INSL6: variants seen among roughly 807,000 people sequenced by gnomAD.
INSL6 encodes the protein insulin-like peptide INSL6.
INSL6 carries 16 observed loss-of-function variants against 9.4 expected under a neutral mutation model. The ratio of observed to expected loss-of-function variants is 1.70; its 90% CI spans 1.15 to 2.59. The LOEUF (loss-of-function observed/expected upper bound fraction) is 2.59, where lower values mean the gene tolerates loss of function less well. Ranked by LOEUF, INSL6 falls within the 30% of genes most tolerant of loss-of-function variation. The pLI, the probability that INSL6 is intolerant of heterozygous loss-of-function variation, is 0.00. For synonymous variants in INSL6, 154 were observed against 96.9 expected (o/e 1.59, Z -3.46); for missense variants, 391 against 257.3 (o/e 1.52, Z -3.56).
rs2130884448 is a variant in INSL6, at chr9:5,137,777, A to T, written c.377-4185T>A. On this transcript the variant is annotated intron_variant, in intron 2 of 3. Transcript: ENST00000649639. ...CTAAAGAGCTTCTGTACAGCAAAAG[A>T]AACTATCATCAGAGTGAACAGGTTA... 1.3e-5 allele frequency among the ~76,000 whole-genome samples: 2 copies of T among 152,346 alleles called. 1 individual carries two copies. The highest frequency in any genetic ancestry group is 4.1e-4 in the South Asian group (2 of 4,828).
chr9:5,082,839 C>A, the INSL6 span, among the ~76,000 whole-genome samples: 1 of 152,054 alleles, frequency 6.6e-6, no homozygotes, highest in Non-Finnish European at 1.5e-5. Context: ...TGATTCCATA[C>A]AACACATATT....
At chr9:5,067,911 T>TAA in the INSL6 span, among the ~76,000 whole-genome samples, 5 of 152,056 alleles carry the variant, frequency 3.3e-5, no homozygotes, top group African/African-American at 9.7e-5. Flanking sequence ...ACCAGCACTT[T>TAA]AGGAGGCCAA....
At chr9:5,009,866 G>C in the INSL6 span, among the ~76,000 whole-genome samples, 1 of 151,716 alleles carries the variant, frequency 6.6e-6, no homozygotes. Context: ...AAACTCATAA[G>C]CTTAAGCCGT....
the INSL6 span, among the ~76,000 whole-genome samples, chr9:5,116,037 TC>T: frequency 6.6e-6 from 1 of 151,872 alleles, no homozygotes; most frequent in African/African-American, 2.4e-5. Context: ...TGCACATGTA[TC>T]CCAAAACTTA....
At chr9:5,099,658 A>G in the INSL6 span, 2 of 152,206 alleles carry the variant, frequency 1.3e-5, no homozygotes, top group Non-Finnish European at 2.9e-5. Flanking sequence ...TCCAACCTCT[A>G]GTCATCAAAT....
the INSL6 span, chr9:5,072,514 C>T: frequency 1.3e-6 from 2 of 1,594,342 alleles, no homozygotes; most frequent in Non-Finnish European, 1.7e-6. Flanking sequence ...GGCCAAGGCA[C>T]TTTTACAAAG....
At chr9:5,120,384 G>A (rs1354305268), downstream of INSL6, among the ~76,000 whole-genome samples, 1 of 152,182 alleles carries the variant, frequency 6.6e-6, no homozygotes, top group African/African-American at 2.4e-5. Context: ...AAGTCTGAAA[G>A]AACTCAATTT....
chr9:5,011,044 A>G, the INSL6 span, among the ~76,000 whole-genome samples: 1 of 152,016 alleles, frequency 6.6e-6, no homozygotes, highest in African/African-American at 2.4e-5. Flanking sequence ...TTTTAAGATT[A>G]TCTTTTTGTC....
the INSL6 span, among the ~76,000 whole-genome samples, chr9:5,013,628 A>G: frequency 2.2e-4 from 33 of 152,276 alleles, no homozygotes; most frequent in Middle Eastern, 3.4e-3. Flanking sequence ...CTCCCTGCCA[A>G]TAATGCCCTG....
At chr9:5,025,646 C>T in the INSL6 span, among the ~76,000 whole-genome samples, 1 of 151,160 alleles carries the variant, frequency 6.6e-6, no homozygotes, top group Non-Finnish European at 1.5e-5. Flanking sequence ...TGATTCATTT[C>T]CCTCAGCCTC....
At chr9:5,178,161 C>T (rs939414874) in intron 1 of INSL6, among the ~76,000 whole-genome samples, 6 of 152,202 alleles carry the variant, frequency 3.9e-5, no homozygotes, top group African/African-American at 1.4e-4. Context: ...AGGCATGAGC[C>T]ACCACGCTCA....
the INSL6 span, among the ~76,000 whole-genome samples, chr9:5,103,057 A>C: frequency 6.6e-6 from 1 of 151,922 alleles, no homozygotes; most frequent in Non-Finnish European, 1.5e-5. Flanking sequence ...TTAACCTTAA[A>C]TGTAAATGGG....
the INSL6 span, among the ~76,000 whole-genome samples, chr9:5,067,423 A>T: frequency 1.3e-5 from 2 of 152,228 alleles, no homozygotes; most frequent in South Asian, 4.1e-4. Context: ...AGAAGCTTGC[A>T]AATTTATCTT....
intron 1 of INSL6, among the ~76,000 whole-genome samples, chr9:5,169,784 G>C (rs1438854332): frequency 2.0e-5 from 3 of 152,136 alleles, no homozygotes; most frequent in Non-Finnish European, 4.4e-5. Flanking sequence ...GTTACATAAT[G>C]GTAAACAGGT....
intron 3 of INSL6, chr9:5,126,153 A>G: frequency 4.0e-6 from 2 of 494,386 alleles, no homozygotes; most frequent in South Asian, 3.3e-5. Flanking sequence ...TGGAAATTAT[A>G]GAAGTTCCAT....
the INSL6 span, chr9:5,054,908 GTTCT>G: frequency 6.8e-7 from 1 of 1,478,724 alleles, no homozygotes; most frequent in Non-Finnish European, 9.2e-7. The surrounding 1 kb of genome is among the most constrained non-coding windows in gnomAD (Gnocchi z 4.9). Context: ...ATATGTTCTT[GTTCT>G]TTGTTATTTT....
intron 3 of INSL6, among the ~76,000 whole-genome samples, chr9:5,125,103 AG>A (rs1170834227): frequency 6.6e-6 from 1 of 151,350 alleles, no homozygotes; most frequent in Non-Finnish European, 1.5e-5. Flanking sequence ...AATATGGAAA[AG>A]TATGAAAAAA....
the INSL6 span, among the ~76,000 whole-genome samples, chr9:4,998,440 A>G: frequency 2.0e-5 from 3 of 152,096 alleles, no homozygotes; most frequent in Admixed American, 1.3e-4. Context: ...TATTTTTAGT[A>G]GAGACGGGGT....
the INSL6 span, chr9:5,070,164 T>A: frequency 6.1e-6 from 4 of 651,804 alleles, no homozygotes; most frequent in South Asian, 5.1e-5. Flanking sequence ...CAAATTTAGT[T>A]GTGATTTAAA....
Sources: gnomAD v4.1 joint callset for allele counts (sites outside exome capture counted in the v4.1 genomes callset) on GRCh38, gnomAD v4.1.1 for gene constraint, Gnocchi (gnomAD v3.1) non-coding constraint, MANE v1.5 for transcripts, NCBI Gene and HGNC (gene_info 2026-07-23, HGNC 2026-07-21) for gene names.